Variants in NCL observed in about 807,000 individuals in gnomAD.
The protein encoded by NCL is nucleolin multifunctional protein.
In NCL, 4 loss-of-function variants were observed where a neutral mutation model predicts 77.7. That is an observed-to-expected ratio of 0.05 (90% confidence interval 0.03 to 0.12). NCL has a LOEUF of 0.12. Among genes scored for constraint, NCL ranks in the 10% least tolerant of loss-of-function variants. The probability of loss-of-function intolerance (pLI) is 1.00; values close to 1 mark genes in which losing one functional copy is unlikely to be tolerated. For synonymous variants in NCL, 344 were observed against 297.8 expected (o/e 1.16, Z -1.60); for missense variants, 763 against 860.9 (o/e 0.89, Z 1.42).
intron 3 of NCL, 99 bp from the exon 4 acceptor site, chr2:231,460,965 G>C: frequency 9.9e-7 from 1 of 1,009,190 alleles, no homozygotes. Flanking sequence ...ACCATGTTTA[G>C]TTAACAGTCA....
chr2:231,455,336 C>A, intron 13 of NCL, 65 bp downstream of exon 13: 1 of 1,613,444 alleles, frequency 6.2e-7, no homozygotes, highest in Non-Finnish European at 8.5e-7. Flanking sequence ...TGATTAGGAA[C>A]CGTGACAGGG....
chr2:231,456,154 ATG>A lies in NCL; in HGVS notation c.1706-20_1706-19del, dbSNP rs1281551169. On this transcript the variant is annotated intron_variant, in intron 11 of 13. Coordinates refer to ENST00000322723, the MANE Select transcript of NCL (RefSeq NM_005381.3). ...GGATGGCTCTGGGAAGGAAAAAAAA[ATG>A]TGACTTTATGTGAAGTCACAGTTCG... The A allele has an allele frequency of 1.2e-6, 2 of 1,613,086 alleles. No individual in the cohort carries two copies. Among genetic ancestry groups the A allele is most frequent in the African/African-American group, 2.7e-5 (2 of 74,758 alleles).
rs1559542107 is a variant in NCL at position 231,460,739 on chromosome 2, GTCATCCTCGTCCTCA to G, written c.726_740del (p.Glu243_Asp247del). ...CATCTTCATCATCTTCGTCGTCGTC[GTCATCCTCGTCCTCA>G]TCATCCTCTTCTTCATCTTCATCCT... On this transcript the variant is annotated inframe_deletion, in exon 4 of 14. Transcript: ENST00000322723. 3 of 1,609,006 alleles carry G rather than the reference GTCATCCTCGTCCTCA, an allele frequency of 1.9e-6. No individual in the cohort carries two copies. The highest frequency in any genetic ancestry group is 2.2e-5 in the East Asian group (1 of 44,858).
rs1223378925 is a variant in NCL, at chr2:231,458,833, G to C, written c.1165+168C>G. 9 of 710,496 alleles carry C rather than the reference G, an allele frequency of 1.3e-5. No individual in the cohort carries two copies. The South Asian group carries it at 2.2e-4, about 18-fold the overall frequency. 44.0% of individuals were successfully genotyped at this position (710,496 alleles called of 1,614,324 possible). A position where few individuals can be genotyped will look rare whatever the true frequency, so the allele number is the denominator to read the frequency against. Reference sequence around the variant, plus strand: ...CTATAACACTGACAAGCAGTGCCAAGTACTCTTGTAAACACTGTAGCTCAT... The same window carrying C: ...CTATAACACTGACAAGCAGTGCCAACTACTCTTGTAAACACTGTAGCTCAT... On this transcript the variant is annotated intron_variant, in intron 7 of 13. Coordinates refer to ENST00000322723, the MANE Select transcript of NCL (RefSeq NM_005381.3).
chr2:231,457,298 G>C (rs779693318), intron 9 of NCL, 174 bp from the exon 10 acceptor site: 1 of 919,736 alleles, frequency 1.1e-6, no homozygotes, highest in Non-Finnish European at 1.8e-6. Flanking sequence ...AGTACGTGTT[G>C]CAATGTCCTG....
chr2:231,458,941 C>T, intron 7 of NCL, 60 bp downstream of exon 7: 1 of 1,433,878 alleles, frequency 7.0e-7, no homozygotes, highest in Non-Finnish European at 9.2e-7. Flanking sequence ...GGTTACAAAG[C>T]ATTTTCCCTA....
At chr2:231,456,791 G>A in intron 10 of NCL, 27 bp from the exon 11 acceptor site, 1 of 1,612,192 alleles carries the variant, frequency 6.2e-7, no homozygotes, top group Non-Finnish European at 8.5e-7. Flanking sequence ...AATGCTTAGA[G>A]TAAGTTACCA....
chr2:231,455,146 G>C lies in NCL; in HGVS notation c.*45C>G, dbSNP rs780103346. 6.2e-7 allele frequency: 1 copy of C among 1,607,012 alleles called. No individual in the cohort carries two copies. The highest frequency in any genetic ancestry group is 8.5e-7 in the Non-Finnish European group (1 of 1,174,382). Reference sequence around the variant, plus strand: ...TGATCAGGTAACAGTAAAAACCCCAGAGTCCTTTCTTTCAAATGGAAAAGG... The same window carrying C: ...TGATCAGGTAACAGTAAAAACCCCACAGTCCTTTCTTTCAAATGGAAAAGG... On this transcript the variant is annotated 3_prime_UTR_variant, in exon 14 of 14. Transcript: ENST00000322723.
In NCL at chr2:231,458,262, A is replaced by G. The variant is rs995349594; in HGVS notation, c.1289+4T>C. 6 of 1,612,856 alleles carry G rather than the reference A, an allele frequency of 3.7e-6. No individual in the cohort carries two copies. Among genetic ancestry groups the G allele is most frequent in the Non-Finnish European group, 5.1e-6 (6 of 1,179,610 alleles). ...ACCCTTACATTTCAATAGACAGAAC[A>G]TACCCTTTACTTTTCCCATCCTTGC... On this transcript the variant is annotated splice_donor_region_variant and intron_variant, in intron 8 of 13. Transcript: ENST00000322723.
At position 231,463,181 on chromosome 2, in the gene NCL, T is replaced by C. The variant is rs773852574; in HGVS notation, c.135+19A>G. 1 of 1,520,122 alleles carries C rather than the reference T, an allele frequency of 6.6e-7. No homozygotes were observed. Among genetic ancestry groups the C allele is most frequent in the African/African-American group, 1.4e-5 (1 of 71,752 alleles). The allele number at this position is 1,520,122 out of a possible 1,614,324, so 94.2% of individuals were successfully genotyped here. A position where few individuals can be genotyped will look rare whatever the true frequency, so the allele number is the denominator to read the frequency against. ...TTTGTAGTTTTAACATAATTCTGCA[T>C]TAAGTTGGATAAAATTACCTCTTCT... On this transcript the variant is annotated intron_variant, in intron 2 of 13. Coordinates refer to ENST00000322723, the MANE Select transcript of NCL (RefSeq NM_005381.3).
intron 7 of NCL, 159 bp downstream of exon 7, chr2:231,458,842 T>A (rs2046918793): frequency 1.2e-6 from 1 of 805,274 alleles, no homozygotes; most frequent in Non-Finnish European, 1.8e-6. Flanking sequence ...AGTACTCTTG[T>A]AAACACTGTA....
chr2:231,456,167 TGAA>T, intron 11 of NCL, 31 bp from the exon 12 acceptor site: 1 of 1,613,082 alleles, frequency 6.2e-7, no homozygotes. Context: ...TGACTTTATG[TGAA>T]GTCACAGTTC....
chr2:231,455,782 G>GT (rs2046881449), intron 12 of NCL, 158 bp from the exon 13 acceptor site: 4 of 1,140,952 alleles, frequency 3.5e-6, no homozygotes, highest in Non-Finnish European at 5.3e-6. Flanking sequence ...ACTAACTGGT[G>GT]TGACAGCTTG....
At chr2:231,463,173 A>C (rs1032611307) in intron 2 of NCL, 27 bp downstream of exon 2, 3 of 1,487,484 alleles carry the variant, frequency 2.0e-6, no homozygotes, top group Non-Finnish European at 2.8e-6. Context: ...TTTTAACATA[A>C]TTCTGCATTA....
intron 7 of NCL, 42 bp from the exon 8 acceptor site, chr2:231,458,431 C>A (rs1474953757): frequency 1.2e-6 from 2 of 1,600,438 alleles, no homozygotes; most frequent in Admixed American, 3.5e-5. Context: ...GCCTGAAAAA[C>A]CAAAGGTGGG....
In NCL at chr2:231,455,579, G is replaced by A. The variant is rs1228328795; in HGVS notation, c.1878C>T (p.Ala626=). The A allele has an allele frequency of 6.2e-7, 1 of 1,614,092 alleles. No homozygotes were observed. Among genetic ancestry groups the A allele is most frequent in the Admixed American group, 1.7e-5 (1 of 60,012 alleles). ...TTTCACCGTCTTCCATGGCCTCCTT[G>A]GCAGCTTTGGCATCCTCCTCACTGT... ...DFNSEEDAKA[A]KEAMEDGEID... is the part of the protein sequence containing the mutation. The change falls in exon 13 of 14, where the codon GCC becomes GCT. Residue 626 remains alanine, a synonymous_variant. Transcript: ENST00000322723.
intron 7 of NCL, chr2:231,458,746 T>C (rs1273919717): frequency 6.9e-6 from 3 of 435,752 alleles, no homozygotes; most frequent in Non-Finnish European, 1.2e-5. Flanking sequence ...TTAATTTAGG[T>C]GCATCTAATA....
chr2:231,455,943 G>C (rs1416821210), intron 12 of NCL, 67 bp downstream of exon 12: 6 of 1,611,358 alleles, frequency 3.7e-6, no homozygotes, highest in Non-Finnish European at 4.2e-6. Flanking sequence ...AGACACATTA[G>C]ACTCAAGGTC....
intron 9 of NCL, 51 bp from the exon 10 acceptor site, chr2:231,457,175 C>T: frequency 6.2e-7 from 1 of 1,610,250 alleles, no homozygotes; most frequent in Non-Finnish European, 8.5e-7. Context: ...TGGTTCCCAG[C>T]TTCGGTCACA....
Sources: allele counts gnomAD v4.1 joint callset, GRCh38; gene constraint gnomAD v4.1.1; transcripts MANE v1.5; gene names NCBI Gene and HGNC (gene_info 2026-07-23, HGNC 2026-07-21).